Variants in ITGA1 observed in about 807,000 individuals in gnomAD.
ITGA1 encodes the protein integrin alpha-1.
In ITGA1, 85 loss-of-function variants were observed where a neutral mutation model predicts 145.9. The observed-to-expected ratio is 0.58, with a 90% confidence interval of 0.49 to 0.70. The LOEUF is 0.70. ITGA1 is among the 30% of genes least tolerant of loss of function. The probability of loss-of-function intolerance (pLI) is 0.00; values close to 1 mark genes in which losing one functional copy is unlikely to be tolerated. For missense variants in ITGA1, 1,351 were observed against 1,418.7 expected (o/e 0.95, Z 0.77); for synonymous variants, 520 against 495.3 (o/e 1.05, Z -0.66).
chr5:52,831,418 G>A (rs895515846), intron 1 of ITGA1, among the ~76,000 whole-genome samples: 1 of 152,022 alleles, frequency 6.6e-6, no homozygotes. Flanking sequence ...ACAGGAGTGA[G>A]CCACTGCACC....
rs180856095 is a variant in ITGA1 at position 52,813,920 on chromosome 5, T to C, written c.61+25506T>C. Among the ~76,000 whole-genome samples, 3 of 152,280 alleles carry C rather than the reference T, an allele frequency of 2.0e-5. No individual in the cohort carries two copies. The East Asian group carries it at 5.8e-4, about 29-fold the overall frequency. ...ATACCTTGCAAAGCCAGCCATTGCA[T>C]TGGTATTAGGGGAACTGGTAGACTG... On this transcript the variant is annotated intron_variant, in intron 1 of 28. Coordinates refer to ENST00000282588, the MANE Select transcript of ITGA1 (RefSeq NM_181501.2).
chr5:52,800,062 C>T, intron 1 of ITGA1: 1 of 324,312 alleles, frequency 3.1e-6, no homozygotes, highest in Non-Finnish European at 5.8e-6. Flanking sequence ...AGACGTGCGT[C>T]GGGTCGCGGG....
intron 28 of ITGA1, among the ~76,000 whole-genome samples, chr5:52,951,545 T>A (rs1326022973): frequency 6.6e-6 from 1 of 152,206 alleles, no homozygotes; most frequent in African/African-American, 2.4e-5. Flanking sequence ...CATTTTTTAT[T>A]TCCAAATGAT....
chr5:52,803,953 G>A (rs1748540751), intron 1 of ITGA1: 1 of 151,980 alleles, frequency 6.6e-6, no homozygotes. Context: ...AAAGTTAACT[G>A]GCCATACTCA....
chr5:52,885,357 G>A (rs1750030933), intron 7 of ITGA1, among the ~76,000 whole-genome samples: 1 of 151,974 alleles, frequency 6.6e-6, no homozygotes, highest in Non-Finnish European at 1.5e-5. Context: ...TCCCATTTAG[G>A]AGCCCACCAA....
chr5:52,831,254 TC>T (rs1485009848), intron 1 of ITGA1, among the ~76,000 whole-genome samples: 125 of 152,154 alleles, frequency 8.2e-4, no homozygotes, highest in African/African-American at 2.7e-3. Context: ...TGCCTCAGTC[TC>T]CCGAGTAGCT....
intron 6 of ITGA1, among the ~76,000 whole-genome samples, chr5:52,871,150 A>G (rs1428335874): frequency 6.6e-6 from 1 of 152,354 alleles, no homozygotes; most frequent in Non-Finnish European, 1.5e-5. Context: ...AGATTTAACT[A>G]CAAATGCGCT....
At chr5:52,874,833 A>T (rs568101874) in intron 6 of ITGA1, among the ~76,000 whole-genome samples, 1 of 152,248 alleles carries the variant, frequency 6.6e-6, no homozygotes, top group Non-Finnish European at 1.5e-5. Context: ...TGTCATAAAT[A>T]TAATGAAGGT....
chr5:52,811,599 T>C (rs1459358594), intron 1 of ITGA1, among the ~76,000 whole-genome samples: 1 of 152,152 alleles, frequency 6.6e-6, no homozygotes. Flanking sequence ...ACTCCCCTAT[T>C]TTTAAAGTTG....
At chr5:52,945,260 C>T (rs1751117477) in intron 27 of ITGA1, among the ~76,000 whole-genome samples, 2 of 151,950 alleles carry the variant, frequency 1.3e-5, no homozygotes, top group Non-Finnish European at 2.9e-5. Context: ...ATTCACATGC[C>T]GCATTTGACT....
In ITGA1 at chr5:52,952,987, C is replaced by CAAG. The variant is rs1751247922; in HGVS notation, c.*539_*541dup. ...CAATATGGATTGAAAATTAAGTCAC[C>CAAG]AAGAATACATTTAGCATCTTTGTGT... On this transcript the variant is annotated 3_prime_UTR_variant, in exon 29 of 29. Transcript: ENST00000282588. 1 of 151,706 alleles carries CAAG rather than the reference C, an allele frequency of 6.6e-6. No homozygotes were observed. Among genetic ancestry groups the CAAG allele is most frequent in the Non-Finnish European group, 1.5e-5 (1 of 67,966 alleles). 9.4% of individuals were successfully genotyped at this position (151,706 alleles called of 1,614,324 possible). A position where few individuals can be genotyped will look rare whatever the true frequency, so the allele number is the denominator to read the frequency against.
chr5:52,894,807 G>A (rs146274222), intron 9 of ITGA1, among the ~76,000 whole-genome samples: 79 of 152,170 alleles, frequency 5.2e-4, no homozygotes, highest in African/African-American at 1.6e-3. Context: ...AAGACAAAAT[G>A]GGAATGAGAC....
At chr5:52,801,807 C>A in intron 1 of ITGA1, 2 of 1,611,896 alleles carry the variant, frequency 1.2e-6, no homozygotes, top group Non-Finnish European at 1.7e-6. Context: ...AACTTTCTGA[C>A]CAAGAGGGTG....
At chr5:52,871,344 A>T (rs748524036) in intron 6 of ITGA1, among the ~76,000 whole-genome samples, 6 of 152,236 alleles carry the variant, frequency 3.9e-5, no homozygotes, top group Non-Finnish European at 5.9e-5. Flanking sequence ...TAAGATATTT[A>T]TCTTTCCATC....
At chr5:52,802,507 T>C (rs1310131642) in intron 1 of ITGA1, 7 of 152,134 alleles carry the variant, frequency 4.6e-5, no homozygotes, top group Admixed American at 2.6e-4. Context: ...AATCAGTTAT[T>C]TTTAGCTTTT....
chr5:52,865,667 A>G (rs1202331477), intron 5 of ITGA1, 23 bp from the exon 6 acceptor site: 4 of 1,363,140 alleles, frequency 2.9e-6, no homozygotes, highest in Non-Finnish European at 3.7e-6. Context: ...TCCAAATTTG[A>G]CAATTGACTC....
intron 28 of ITGA1, 58 bp from the exon 29 acceptor site, chr5:52,952,346 TTAA>T (rs1429636997): frequency 1.3e-4 from 113 of 859,774 alleles, no homozygotes; most frequent in Admixed American, 4.4e-4. Flanking sequence ...ATCCAAAGGA[TTAA>T]TATTTGCTAC....
rs1322648339 is a variant in ITGA1 at position 52,887,918 on chromosome 5, G to T, written c.877G>T (p.Val293Phe). 2 of 1,613,908 alleles carry T rather than the reference G, an allele frequency of 1.2e-6. No individual in the cohort carries two copies. The highest frequency in any genetic ancestry group is 1.7e-5 in the Admixed American group (1 of 59,996). Residue 293 changes from valine (V) to phenylalanine (F), a missense_variant, in exon 8 of 29, where the codon GTC becomes TTC. Transcript: ENST00000282588. ...ESHDNHRLKK[V>F]IQDCEDENIQ... ...TCATGACAATCATCGACTGAAGAAG[G>T]TCATCCAAGACTGTGAAGATGAAAA...
At chr5:52,850,299 C>T (rs909624800) in intron 2 of ITGA1, among the ~76,000 whole-genome samples, 3 of 151,890 alleles carry the variant, frequency 2.0e-5, no homozygotes, top group African/African-American at 4.8e-5. Flanking sequence ...AGCACCTGGC[C>T]GTAGATATGA....
Sources: gnomAD v4.1 joint callset for allele counts (sites outside exome capture counted in the v4.1 genomes callset) on GRCh38, gnomAD v4.1.1 for gene constraint, MANE v1.5 for transcripts, NCBI Gene and HGNC (gene_info 2026-07-23, HGNC 2026-07-21) for gene names.